SMAD4: variants seen among roughly 807,000 people sequenced by gnomAD.
The protein encoded by SMAD4 is SMAD family member 4.
Under a neutral mutation model 63.2 loss-of-function variants are expected in SMAD4, and 7 were observed. That is an observed-to-expected ratio of 0.11 (90% CI 0.06 to 0.21). The LOEUF is 0.21. Among genes scored for constraint, SMAD4 ranks in the 10% least tolerant of loss-of-function variants. SMAD4 has a pLI of 1.00. For synonymous variants in SMAD4, 215 were observed against 235.4 expected (o/e 0.91, Z 0.79); for missense variants, 312 against 693.8 (o/e 0.45, Z 6.18).
At chr18:51,031,645 T>G (rs78985558) in intron 1 of SMAD4, among the ~76,000 whole-genome samples, 22 of 152,254 alleles carry the variant, frequency 1.4e-4, no homozygotes, top group African/African-American at 5.3e-4. Flanking sequence ...TTTGCCAGAA[T>G]TAGCATCCTT....
intron 3 of SMAD4, 130 bp from the exon 4 acceptor site, chr18:51,049,165 A>G (rs1909633058): frequency 2.8e-6 from 2 of 720,766 alleles, no homozygotes; most frequent in African/African-American, 1.8e-5. Context: ...CGTTTATGCT[A>G]CTTCTGAATT....
rs1910658004 is a variant in SMAD4, at chr18:51,083,457, TTC to T, written c.*4992_*4993del. On this transcript the variant is annotated 3_prime_UTR_variant, in exon 12 of 12. Transcript: ENST00000342988. ...GAATGAAACTTTTTGTCCTTTTTTT[TTC>T]TGTTTTTTTTTTTCTAATGTAGTAA... The T allele has an allele frequency of 8.8e-6, 2 of 228,366 alleles. No homozygotes were observed. Among genetic ancestry groups the T allele is most frequent in the East Asian group, 6.2e-5 (1 of 16,160 alleles). 14.1% of individuals were successfully genotyped at this position (228,366 alleles called of 1,614,324 possible).
Position 51,047,226 on chromosome 18 carries a change from T to C in SMAD4, c.180T>C (p.Ala60=), listed in dbSNP as rs201239868. 5 of 1,613,714 alleles carry C rather than the reference T, an allele frequency of 3.1e-6. No homozygotes were observed. Among genetic ancestry groups the C allele is most frequent in the Non-Finnish European group, 4.2e-6 (5 of 1,179,598 alleles). The change falls in exon 2 of 12, where the codon GCT becomes GCC. Residue 60 remains alanine (A), a synonymous_variant. Transcript: ENST00000342988. ...KKDELDSLIT[A]ITTNGAHPSK... ...ATGAATTGGATTCTTTAATAACAGC[T>C]ATAACTACAAATGGAGCTCATCCTA...
chr18:51,050,304 A>G (rs1312258422), intron 4 of SMAD4, among the ~76,000 whole-genome samples: 2 of 150,856 alleles, frequency 1.3e-5, no homozygotes, highest in Admixed American at 1.3e-4. Flanking sequence ...GGTTGCAGTG[A>G]GCTGAGATCA....
chr18:51,064,999 T>C (rs760430882), intron 8 of SMAD4, among the ~76,000 whole-genome samples: 2 of 152,196 alleles, frequency 1.3e-5, no homozygotes, highest in South Asian at 4.1e-4. Flanking sequence ...TTTTAAAAAA[T>C]AAAAGTTGAG....
In SMAD4 at chr18:51,049,258, T is replaced by C. The variant is rs1909635734; in HGVS notation, c.425-37T>C. The C allele has an allele frequency of 2.1e-6, 3 of 1,413,074 alleles. No individual in the cohort carries two copies. In the Admixed American group the frequency reaches 5.1e-5, roughly 24 times the overall value. The allele number at this position is 1,413,074 out of a possible 1,614,324, so 87.5% of individuals were successfully genotyped here. ...ATGGAAAATACTTTCATTGTAATGATTAATGTTTCATTTGTTTTCCCCTTT... is the reference window on the plus strand; with the variant it reads ...ATGGAAAATACTTTCATTGTAATGACTAATGTTTCATTTGTTTTCCCCTTT... On this transcript the variant is annotated intron_variant, in intron 3 of 11. Transcript: ENST00000342988.
intron 1 of SMAD4, among the ~76,000 whole-genome samples, chr18:51,044,669 A>G (rs1302538509): frequency 3.3e-5 from 5 of 152,234 alleles, no homozygotes; most frequent in Non-Finnish European, 7.3e-5. Flanking sequence ...CTGGGATTAC[A>G]GGTGTGAGCC....
intron 4 of SMAD4, among the ~76,000 whole-genome samples, chr18:51,049,846 G>C (rs1009318922): frequency 6.6e-6 from 1 of 152,042 alleles, no homozygotes; most frequent in African/African-American, 2.4e-5. Context: ...ATAAATCAAG[G>C]CTACTTTAAA....
intron 8 of SMAD4, among the ~76,000 whole-genome samples, chr18:51,061,453 G>A (rs938220367): frequency 6.6e-6 from 1 of 152,140 alleles, no homozygotes; most frequent in South Asian, 2.1e-4. Flanking sequence ...AACATGTGAT[G>A]TTTGTCTTTC....
intron 1 of SMAD4, among the ~76,000 whole-genome samples, chr18:51,036,895 C>G (rs920096182): frequency 1.1e-4 from 16 of 152,192 alleles, no homozygotes; most frequent in Admixed American, 1.3e-4. Context: ...CGGTGACTCA[C>G]GCCTGTAATC....
intron 3 of SMAD4, 77 bp downstream of exon 3, chr18:51,048,937 A>C: frequency 7.4e-7 from 1 of 1,342,702 alleles, no homozygotes; most frequent in Non-Finnish European, 1.1e-6. Context: ...TTGTAAGTTA[A>C]ATTATAAATT....
At chr18:51,036,205 A>T (rs554717588) in intron 1 of SMAD4, among the ~76,000 whole-genome samples, 5 of 152,298 alleles carry the variant, frequency 3.3e-5, no homozygotes, top group Non-Finnish European at 7.3e-5. Flanking sequence ...CAGGCTAGCC[A>T]AATCTTATTT....
chr18:51,049,347 C>A, intron 4 of SMAD4, 23 bp downstream of exon 4: 1 of 1,574,676 alleles, frequency 6.4e-7, no homozygotes, highest in Non-Finnish European at 8.7e-7. Flanking sequence ...TTTCTTACTA[C>A]TTTCTCTTTG....
rs1274926456 is a variant in SMAD4, at chr18:51,065,464, G to T, written c.997G>T (p.Val333Phe). 2 of 1,614,006 alleles carry T rather than the reference G, an allele frequency of 1.2e-6. No homozygotes were observed. The highest frequency in any genetic ancestry group is 1.7e-6 in the Non-Finnish European group (2 of 1,179,896). Residue 333 changes from valine (V) to phenylalanine (F), a missense_variant, in exon 9 of 12, where the codon GTT becomes TTT. Around this residue, in one of 4 missense-constraint regions of SMAD4, gnomAD observed 92 missense variants for 305.9 expected, o/e 0.30. Coordinates refer to ENST00000342988, the MANE Select transcript of SMAD4 (RefSeq NM_005359.6). ...TTCCATTGCTTACTTTGAAATGGAT[G>T]TTCAGGTAGGAGAGACATTTAAGGT... Reference protein sequence around the residue: ...WCSIAYFEMDVQVGETFKVPS... With the variant: ...WCSIAYFEMDFQVGETFKVPS...
rs2144446461 is a variant in SMAD4, at chr18:51,065,444, T to C, written c.977T>C (p.Ile326Thr). 6.2e-7 allele frequency: 1 copy of C among 1,614,006 alleles called. No individual in the cohort carries two copies. Residue 326 changes from isoleucine to threonine, a missense_variant, in exon 9 of 12, where the codon ATT becomes ACT. By Grantham distance (89) the Ile-to-Thr change is moderately conservative. Around this residue, in one of 4 missense-constraint regions of SMAD4, gnomAD observed 92 missense variants for 305.9 expected, o/e 0.30. Transcript: ENST00000342988. The part of the protein sequence containing the change: ...NHPAPEYWCS[I>T]AYFEMDVQVG... Reference sequence around the variant, plus strand: ...ATAGCTCCTGAGTATTGGTGTTCCATTGCTTACTTTGAAATGGATGTTCAG... The same window carrying C: ...ATAGCTCCTGAGTATTGGTGTTCCACTGCTTACTTTGAAATGGATGTTCAG...
At chr18:51,058,093 T>C (rs1404632095) in intron 5 of SMAD4, 32 bp from the exon 6 acceptor site, 1 of 1,609,988 alleles carries the variant, frequency 6.2e-7, no homozygotes, top group South Asian at 1.1e-5. Flanking sequence ...CATCTATGAA[T>C]GTACCATGTT....
At chr18:51,056,025 A>C (rs779100192) in intron 5 of SMAD4, among the ~76,000 whole-genome samples, 2 of 152,212 alleles carry the variant, frequency 1.3e-5, no homozygotes, top group South Asian at 4.1e-4. Flanking sequence ...TTGGTTTGCT[A>C]TCTAAGAGAT....
At chr18:51,035,905 G>A (rs1269635413) in intron 1 of SMAD4, among the ~76,000 whole-genome samples, 1 of 152,034 alleles carries the variant, frequency 6.6e-6, no homozygotes, top group Non-Finnish European at 1.5e-5. Flanking sequence ...GAGTGGAGGA[G>A]GCATGGGAAT....
chr18:51,057,920 T>G (rs1428027465), intron 5 of SMAD4, among the ~76,000 whole-genome samples: 2 of 152,230 alleles, frequency 1.3e-5, no homozygotes, highest in African/African-American at 4.8e-5. Context: ...TTACCTAAAA[T>G]GGAATAATTT....
Sources: allele counts gnomAD v4.1 joint callset (sites outside exome capture counted in the v4.1 genomes callset), GRCh38; gene constraint gnomAD v4.1.1; regional missense constraint gnomAD v4.1.1; transcripts MANE v1.5; gene names NCBI Gene and HGNC (gene_info 2026-07-23, HGNC 2026-07-21).